YTHDF1: variants seen among roughly 807,000 people sequenced by gnomAD.
YTHDF1 encodes the protein YTH domain-containing family protein 1.
In YTHDF1, 16 loss-of-function variants were observed where a neutral mutation model predicts 49.1. That is an observed-to-expected ratio of 0.33 (90% CI 0.22 to 0.49). YTHDF1 has a LOEUF of 0.49. YTHDF1 is among the 20% of genes least tolerant of loss of function. YTHDF1 has a pLI of 0.99. For synonymous variants in YTHDF1, 313 were observed against 290.1 expected (o/e 1.08, Z -0.80); for missense variants, 621 against 744.3 (o/e 0.83, Z 1.93).
rs527626839 is a variant in YTHDF1, at chr20:63,195,434, T to G, written c.*1274A>C. 1 of 152,660 alleles carries G rather than the reference T, an allele frequency of 6.6e-6. No individual in the cohort carries two copies. Among genetic ancestry groups the G allele is most frequent in the Non-Finnish European group, 1.5e-5 (1 of 68,046 alleles). The allele number at this position is 152,660 out of a possible 1,614,324, so 9.5% of individuals were successfully genotyped here. A position where few individuals can be genotyped will look rare whatever the true frequency, so the allele number is the denominator to read the frequency against. On this transcript the variant is annotated 3_prime_UTR_variant, in exon 5 of 5. Transcript: ENST00000370339. ...AAGAATGAGGTGACACCAAGTTTGC[T>G]AAATAGTATTGTTTATTAAGGCTTG... is the stretch of plus-strand genomic sequence containing the variant.
At chr20:63,212,463 T>C (rs1224204485) in intron 3 of YTHDF1, among the ~76,000 whole-genome samples, 1 of 152,212 alleles carries the variant, frequency 6.6e-6, no homozygotes, top group Non-Finnish European at 1.5e-5. Context: ...TGAGGGCTAC[T>C]TGGAGTGGCG....
chr20:63,215,663 G>T, intron 1 of YTHDF1, 62 bp from the exon 2 acceptor site: 1 of 1,560,384 alleles, frequency 6.4e-7, no homozygotes, highest in Non-Finnish European at 8.7e-7. Context: ...GAAACACAAA[G>T]TTATTCACCA....
intron 3 of YTHDF1, among the ~76,000 whole-genome samples, chr20:63,209,948 C>T (rs984000247): frequency 6.6e-6 from 1 of 152,124 alleles, no homozygotes; most frequent in African/African-American, 2.4e-5. Flanking sequence ...AGTAAGTAGG[C>T]AGAATATGCT....
intron 3 of YTHDF1, among the ~76,000 whole-genome samples, chr20:63,208,004 C>A (rs866492643): frequency 2.6e-3 from 385 of 149,442 alleles, no homozygotes; most frequent in Middle Eastern, 0.01. Context: ...AAAAAAAAAA[C>A]AAAAACAAAC....
At position 63,213,917 on chromosome 20, in the gene YTHDF1, C is replaced by A. The variant is rs756193562; in HGVS notation, c.79G>T (p.Asp27Tyr). ...KVQNGSLHQK[D>Y]TVHDNDFEPY... is the part of the protein sequence containing the mutation. The stretch of plus-strand genomic sequence containing the variant: ...TCAAAGTCATTGTCATGAACTGTAT[C>A]CTTCTGATGTAACGAACCATTTTGT... The change falls in exon 3 of 5, where the codon GAT becomes TAT. Residue 27 changes from aspartate (D) to tyrosine (Y), a missense_variant. By Grantham distance (160) the Asp-to-Tyr change is radical. Coordinates refer to ENST00000370339, the MANE Select transcript of YTHDF1 (RefSeq NM_017798.4). 1 of 1,563,486 alleles carries A rather than the reference C, an allele frequency of 6.4e-7. No homozygotes were observed. Among genetic ancestry groups the A allele is most frequent in the Non-Finnish European group, 8.6e-7 (1 of 1,164,954 alleles).
chr20:63,196,642 C>G lies in YTHDF1; in HGVS notation c.*66G>C. On this transcript the variant is annotated 3_prime_UTR_variant, in exon 5 of 5. Coordinates refer to ENST00000370339, the MANE Select transcript of YTHDF1 (RefSeq NM_017798.4). ...CACGGGACGACACACTGGAGCTGAC[C>G]AAGCACACGTGTTTTAAACTGTTTT... is the stretch of plus-strand genomic sequence containing the variant. 1 of 1,599,546 alleles carries G rather than the reference C, an allele frequency of 6.3e-7. No individual in the cohort carries two copies. Among genetic ancestry groups the G allele is most frequent in the Non-Finnish European group, 8.6e-7 (1 of 1,169,018 alleles).
At chr20:63,208,200 G>A (rs1454439119) in intron 3 of YTHDF1, among the ~76,000 whole-genome samples, 7 of 152,146 alleles carry the variant, frequency 4.6e-5, no homozygotes, top group Non-Finnish European at 7.3e-5. Flanking sequence ...GAAGCAGAAA[G>A]GATCCCTTCA....
rs2066492834 is a variant in YTHDF1 at position 63,196,450 on chromosome 20, C to T, written c.*258G>A. ...AATAGATGCTTTGTTTTTAAGGATA[C>T]TTACATTTCACATTAGATCAGTCTG... On this transcript the variant is annotated 3_prime_UTR_variant, in exon 5 of 5. Transcript: ENST00000370339. 1 of 352,120 alleles carries T rather than the reference C, an allele frequency of 2.8e-6. No homozygotes were observed. The allele number at this position is 352,120 out of a possible 1,614,324, so 21.8% of individuals were successfully genotyped here.
intron 4 of YTHDF1, among the ~76,000 whole-genome samples, chr20:63,201,253 A>G (rs1298390044): frequency 6.6e-6 from 1 of 152,186 alleles, no homozygotes; most frequent in Admixed American, 6.5e-5. Context: ...TATATATGCC[A>G]TGTACACGCC....
intron 3 of YTHDF1, among the ~76,000 whole-genome samples, chr20:63,212,540 T>A (rs1226655808): frequency 2.0e-5 from 3 of 152,182 alleles, no homozygotes; most frequent in African/African-American, 7.2e-5. Context: ...TGCTGCCCCA[T>A]GAGGCCTGCT....
chr20:63,203,502 C>T lies in YTHDF1; in HGVS notation c.438G>A (p.Ala146=), dbSNP rs563225888. The T allele has an allele frequency of 3.4e-5, 55 of 1,613,652 alleles. No individual in the cohort carries two copies. Among genetic ancestry groups the T allele is most frequent in the African/African-American group, 5.3e-5 (4 of 74,914 alleles). Residue 146 remains alanine (A), a synonymous_variant, in exon 4 of 5, where the codon GCG becomes GCA. Coordinates refer to ENST00000370339, the MANE Select transcript of YTHDF1 (RefSeq NM_017798.4). The surrounding 1 kb of genome is among the most constrained non-coding windows in gnomAD (Gnocchi z 4.4). ...GSQGQQTQSS[A]YGSSYTYPPS... ...GGGGGTAGGTGTAGCTGCTCCCATA[C>T]GCGGAGCTCTGGGTCTGCTGACCTT...
At chr20:63,197,929 A>T (rs1365648191) in intron 4 of YTHDF1, among the ~76,000 whole-genome samples, 1 of 152,174 alleles carries the variant, frequency 6.6e-6, no homozygotes, top group Non-Finnish European at 1.5e-5. Flanking sequence ...TGGGCACTGG[A>T]ATAAACACCA....
At chr20:63,214,333 G>A (rs1438802911) in intron 2 of YTHDF1, among the ~76,000 whole-genome samples, 5 of 152,208 alleles carry the variant, frequency 3.3e-5, no homozygotes, top group East Asian at 1.9e-4. Flanking sequence ...AGAACGGAGG[G>A]AAGAAAACTT....
intron 3 of YTHDF1, among the ~76,000 whole-genome samples, chr20:63,211,267 C>T (rs965648816): frequency 2.0e-5 from 3 of 152,116 alleles, no homozygotes; most frequent in African/African-American, 7.2e-5. Context: ...GAGTTCAAGA[C>T]CAGCCTGGGC....
At chr20:63,205,294 ACAGGCCTGCTTC>A (rs1286421597) in intron 3 of YTHDF1, among the ~76,000 whole-genome samples, 8 of 152,232 alleles carry the variant, frequency 5.3e-5, no homozygotes, top group Non-Finnish European at 1.0e-4. Flanking sequence ...AGACAATGAA[ACAGGCCTGCTTC>A]ACTGGAGGGG....
Position 63,202,629 on chromosome 20 carries a change from G to C in YTHDF1, c.1311C>G (p.Leu437=). The part of the protein sequence containing the change: ...CMSSKGPVYL[L]FSVNGSGHFC... ...AATGCCCACTCCCATTGACGCTGAA[G>C]AGCAGGTAGACGGGCCCCTTGCTGC... The change falls in exon 4 of 5, where the codon CTC becomes CTG. Residue 437 remains leucine (L), a synonymous_variant. Transcript: ENST00000370339. The C allele has an allele frequency of 6.2e-7, 1 of 1,613,966 alleles. No individual in the cohort carries two copies. The highest frequency in any genetic ancestry group is 8.5e-7 in the Non-Finnish European group (1 of 1,180,046).
At chr20:63,214,560 A>T (rs962595017) in intron 2 of YTHDF1, among the ~76,000 whole-genome samples, 23 of 152,224 alleles carry the variant, frequency 1.5e-4, no homozygotes, top group African/African-American at 5.3e-4. Flanking sequence ...GAGACATGAG[A>T]ACCATCAATG....
Position 63,196,838 on chromosome 20 carries a change from G to T in YTHDF1, c.1654-104C>A. ...CCCCTTAGCAGCACCTGCAAATCTG[G>T]AGGCGGGACCCTGAATGGTACCCAA... On this transcript the variant is annotated intron_variant, in intron 4 of 4. Transcript: ENST00000370339. 22 of 1,374,340 alleles carry T rather than the reference G, an allele frequency of 1.6e-5. 1 individual carries two copies. In the South Asian group the frequency reaches 2.7e-4, roughly 17 times the overall value. The allele number at this position is 1,374,340 out of a possible 1,614,324, so 85.1% of individuals were successfully genotyped here. A position where few individuals can be genotyped will look rare whatever the true frequency, so the allele number is the denominator to read the frequency against.
chr20:63,212,321 A>T (rs1471335401), intron 3 of YTHDF1, among the ~76,000 whole-genome samples: 2 of 152,216 alleles, frequency 1.3e-5, no homozygotes, highest in African/African-American at 4.8e-5. Flanking sequence ...CGCCAAGTGC[A>T]GTAGGAGGGA....
Sources: allele counts gnomAD v4.1 joint callset (sites outside exome capture counted in the v4.1 genomes callset), GRCh38; gene constraint gnomAD v4.1.1; non-coding constraint Gnocchi (gnomAD v3.1); transcripts MANE v1.5; gene names NCBI Gene and HGNC (gene_info 2026-07-23, HGNC 2026-07-21).